The following MST1 variants were observed in gnomAD, a reference collection of about 807,000 sequenced individuals.
The protein encoded by MST1 is macrophage stimulating 1.
MST1 carries 76 observed loss-of-function variants against 100.1 expected under a neutral mutation model. The observed-to-expected ratio is 0.76, with a 90% confidence interval of 0.63 to 0.92. The LOEUF is 0.92. MST1 is among the 40% of genes least tolerant of loss of function. The pLI, the probability that MST1 is intolerant of heterozygous loss-of-function variation, is 0.00. For synonymous variants in MST1, 352 were observed against 385.4 expected, an observed-to-expected ratio of 0.91 and a Z score of 1.01; for missense variants, 850 against 990.0, an observed-to-expected ratio of 0.86 and a Z score of 1.90.
chr3:49,684,128 A>T lies in MST1; in HGVS notation c.2078T>A (p.Ile693Lys), dbSNP rs1057319. ...CCTTGCGCATACTCGGTTGGGGATT[A>T]TAATTCCTTCCAGGACCCAGCAGTT... The part of the protein sequence containing the change: ...THNCWVLEGI[I>K]IPNRVCARSR... The change falls in exon 18 of 18, where the codon ATA (isoleucine) becomes AAA (lysine). Residue 693 changes from isoleucine to lysine, a missense_variant. Physicochemically the swap from Ile to Lys is moderately radical, Grantham distance 102 (BLOSUM62 -3). This residue lies in a region of MST1 where 816 missense variants were observed against 924.6 expected (regional missense o/e 0.88). Coordinates refer to ENST00000449682, the MANE Select transcript of MST1 (RefSeq NM_020998.4). 11 of 1,613,302 alleles carry T rather than the reference A, an allele frequency of 6.8e-6. No individual in the cohort carries two copies. The highest frequency in any genetic ancestry group is 5.0e-5 in the Admixed American group (3 of 59,964).
rs3887843 is a variant in MST1, at chr3:49,686,174, G to T, written c.1035C>A (p.Phe345Leu). 7 of 1,611,346 alleles carry T rather than the reference G, an allele frequency of 4.3e-6. No individual in the cohort carries two copies. The East Asian group carries it at 1.6e-4, about 36-fold the overall frequency. Residue 345 changes from phenylalanine (F) to leucine (L), a missense_variant, in exon 9 of 18, where the codon TTC becomes TTA. Coordinates refer to ENST00000449682, the MANE Select transcript of MST1 (RefSeq NM_020998.4). Reference sequence around the variant, plus strand: ...CCTCTGAGCCGTCGGGGTTCCGGCAGAAGTTCTCCCGAAGGTCTCTAAGCA... The same window carrying T: ...CCTCTGAGCCGTCGGGGTTCCGGCATAAGTTCTCCCGAAGGTCTCTAAGCA... ...KYACKDLRENFCRNPDGSEAP... is the reference protein window; with the variant it reads ...KYACKDLRENLCRNPDGSEAP...
rs769098888 is a variant in MST1 at position 49,687,743 on chromosome 3, C to A, written c.242+7G>T. On this transcript the variant is annotated splice_region_variant and intron_variant, in intron 2 of 17. Coordinates refer to ENST00000449682, the MANE Select transcript of MST1 (RefSeq NM_020998.4). ...CCCAGTCTTATCTAGGCCCAGTGGC[C>A]ACTCACCGGCAGTCCATTAAGGGCC... The A allele has an allele frequency of 3.8e-5, 61 of 1,613,430 alleles. No individual in the cohort carries two copies. Among genetic ancestry groups the A allele is most frequent in the Non-Finnish European group, 5.0e-5 (59 of 1,179,872 alleles).
intron 5 of MST1, 30 bp downstream of exon 5, chr3:49,687,119 A>T (rs202053025): frequency 1.2e-6 from 2 of 1,612,294 alleles, no homozygotes; most frequent in Non-Finnish European, 1.7e-6. Flanking sequence ...TTGTCCCTCC[A>T]CTCTCCCAGC....
At chr3:49,684,261 C>T in intron 17 of MST1, 53 bp downstream of exon 17, 3 of 1,609,682 alleles carry the variant, frequency 1.9e-6, no homozygotes, top group Non-Finnish European at 2.5e-6. Context: ...TAAAATAGTT[C>T]ATTTCTAGCC....
Position 49,687,887 on chromosome 3 carries a change from C to T in MST1, c.105G>A (p.Ser35=), listed in dbSNP as rs139665652. ...TQCLGVPGQR[S]PLNDFQVLRG... is the part of the protein sequence containing the mutation. Reference sequence around the variant, plus strand: ...GGAGCACTTGGAAGTCATTCAATGGCGAGCGCTGCCCTGCAGAGTAGGCAT... The same window carrying T: ...GGAGCACTTGGAAGTCATTCAATGGTGAGCGCTGCCCTGCAGAGTAGGCAT... Residue 35 remains serine, a synonymous_variant, in exon 2 of 18, where the codon TCG becomes TCA. Coordinates refer to ENST00000449682, the MANE Select transcript of MST1 (RefSeq NM_020998.4). The T allele has an allele frequency of 6.8e-6, 11 of 1,613,166 alleles. No individual in the cohort carries two copies. The highest frequency in any genetic ancestry group is 4.5e-5 in the East Asian group (2 of 44,894).
In MST1 at chr3:49,685,215, A is replaced by G. The variant is rs1180528420; in HGVS notation, c.1544+47T>C. The G allele has an allele frequency of 3.7e-6, 6 of 1,610,408 alleles. No homozygotes were observed. The Admixed American group carries it at 1.0e-4, about 27-fold the overall frequency. On this transcript the variant is annotated intron_variant, in intron 13 of 17. Transcript: ENST00000449682. ...GCCCCCAGTGGGATAACCACAGAGG[A>G]CACAACCTCAGCTCCTCTCTGTGGG...
In MST1 at chr3:49,684,591, G is replaced by A. The variant is rs372578885; in HGVS notation, c.1835C>T (p.Pro612Leu). ...GCCTGCAATCTCACACTTGGTCCCT[G>A]GAGGCACCACATACCATTCAGGGGG... is the stretch of plus-strand genomic sequence containing the variant. ...CLPPEWYVVP[P>L]GTKCEIAGWG... The change falls in exon 16 of 18, where the codon CCA (proline) becomes CTA (leucine). Residue 612 changes from proline to leucine, a missense_variant. Coordinates refer to ENST00000449682, the MANE Select transcript of MST1 (RefSeq NM_020998.4). 7.4e-6 allele frequency: 12 copies of A among 1,613,682 alleles called. No homozygotes were observed. In the African/African-American group the frequency reaches 8.0e-5, roughly 11 times the overall value.
chr3:49,687,815 A>C lies in MST1; in HGVS notation c.177T>G (p.Pro59=). ...QHLLHAVVPG[P]WQEDVADAEE... ...CAGCATCTGCCACATCCTCCTGCCA[A>C]GGCCCGGGCACCACCGCATGTAGCA... The change falls in exon 2 of 18, where the codon CCT becomes CCG. Residue 59 remains proline (P), a synonymous_variant. Transcript: ENST00000449682. 3 of 1,613,570 alleles carry C rather than the reference A, an allele frequency of 1.9e-6. No homozygotes were observed. Among genetic ancestry groups the C allele is most frequent in the South Asian group, 2.2e-5 (2 of 91,070 alleles).
Position 49,686,933 on chromosome 3 carries a change from C to T in MST1, c.728+14G>A. The T allele has an allele frequency of 1.2e-6, 2 of 1,611,596 alleles. No homozygotes were observed. Among genetic ancestry groups the T allele is most frequent in the Non-Finnish European group, 1.7e-6 (2 of 1,179,674 alleles). On this transcript the variant is annotated intron_variant, in intron 6 of 17. Transcript: ENST00000449682. The stretch of plus-strand genomic sequence containing the variant: ...TAGCCCGGCCCCCAGGACGCCGATA[C>T]CGCCTACGCGTACTTGCCCGGCTCG...
chr3:49,684,398 C>G lies in MST1; in HGVS notation c.1932G>C (p.Gln644His), dbSNP rs1281388407. The G allele has an allele frequency of 6.2e-7, 1 of 1,613,408 alleles. No individual in the cohort carries two copies. Among genetic ancestry groups the G allele is most frequent in the South Asian group, 1.1e-5 (1 of 91,082 alleles). ...GTCCTCGGTGCTTGATGTTACACTC[C>G]TGGTTGGAGATGACATTCAGCAAGG... ...NVALLNVISNQECNIKHRGRV... is the reference protein window; with the variant it reads ...NVALLNVISNHECNIKHRGRV... The change falls in exon 17 of 18, where the codon CAG (glutamine) becomes CAC (histidine). Residue 644 changes from glutamine to histidine, a missense_variant. Gln to His is a conservative substitution (Grantham distance 24). This residue lies in a region of MST1 where 816 missense variants were observed against 924.6 expected (regional missense o/e 0.88). Coordinates refer to ENST00000449682, the MANE Select transcript of MST1 (RefSeq NM_020998.4).
At chr3:49,686,289 G>GCCCCCCTCCCCCCCCCCCC in intron 8 of MST1, 24 bp downstream of exon 8, 1 of 1,235,666 alleles carries the variant, frequency 8.1e-7, no homozygotes. Flanking sequence ...ACGTCCCAAC[G>GCCCCCCTCCCCCCCCCCCC]CCCGCCCCCC....
Position 49,684,546 on chromosome 3 carries a change from T to C in MST1, c.1876+4A>G. 1 of 1,613,716 alleles carries C rather than the reference T, an allele frequency of 6.2e-7. No homozygotes were observed. Among genetic ancestry groups the C allele is most frequent in the Non-Finnish European group, 8.5e-7 (1 of 1,179,852 alleles). Reference sequence around the variant, plus strand: ...ACCAGCAGTCCTGTGCACTGTGCTCTTACCTTTGGTCTCACCCCAGCCTGC... The same window carrying C: ...ACCAGCAGTCCTGTGCACTGTGCTCCTACCTTTGGTCTCACCCCAGCCTGC... On this transcript the variant is annotated splice_donor_region_variant and intron_variant, in intron 16 of 17. Transcript: ENST00000449682.
In MST1 at chr3:49,687,556, C is replaced by T. The variant is rs2053882966; in HGVS notation, c.355G>A (p.Asp119Asn). Reference sequence around the variant, plus strand: ...CCTGCCCCTCTCCACCCCCACTTGCCTTTCTTCTGGAAGAGGTCACAGCGC... The same window carrying T: ...CCTGCCCCTCTCCACCCCCACTTGCTTTTCTTCTGGAAGAGGTCACAGCGC... ...SGRCDLFQKK[D>N]YVRTCIMNNG... Residue 119 changes from aspartate (D) to asparagine (N), a missense_variant and splice_region_variant, in exon 3 of 18, where the codon GAC becomes AAC. Physicochemically the swap from Asp to Asn is conservative, Grantham distance 23. Transcript: ENST00000449682. 2.5e-6 allele frequency: 4 copies of T among 1,613,404 alleles called. No homozygotes were observed. Among genetic ancestry groups the T allele is most frequent in the South Asian group, 1.1e-5 (1 of 91,078 alleles).
Position 49,687,033 on chromosome 3 carries a change from G to A in MST1, c.642C>T (p.Arg214=). ...ACVWCNGEEY[R]GAVDRTESGR... Reference sequence around the variant, plus strand: ...CTGACTCCGTGCGGTCTACCGCGCCGCGGTATTCCTCGCCATTGCACCAGA... The same window carrying A: ...CTGACTCCGTGCGGTCTACCGCGCCACGGTATTCCTCGCCATTGCACCAGA... The change falls in exon 6 of 18, where the codon CGC becomes CGT. Residue 214 remains arginine (R), a synonymous_variant. Transcript: ENST00000449682. 1 of 1,611,750 alleles carries A rather than the reference G, an allele frequency of 6.2e-7. No individual in the cohort carries two copies. Among genetic ancestry groups the A allele is most frequent in the Non-Finnish European group, 8.5e-7 (1 of 1,179,858 alleles).
rs202238357 is a variant in MST1, at chr3:49,687,066, G to A, written c.609C>T (p.Ala203=). The change falls in exon 6 of 18, where the codon GCC becomes GCT. Residue 203 remains alanine, a splice_region_variant and synonymous_variant. Transcript: ENST00000449682. ...CCTCGCCATTGCACCAGACACACGC[G>A]GCTGGAGACAAAGAGCCAGTGGGTT... ...QSCGIKSCRE[A]ACVWCNGEEY... is the part of the protein sequence containing the mutation. 9.4e-5 allele frequency: 151 copies of A among 1,612,310 alleles called. No individual in the cohort carries two copies. The highest frequency in any genetic ancestry group is 1.7e-4 in the Middle Eastern group (1 of 5,744).
At position 49,685,952 on chromosome 3, in the gene MST1, G is replaced by A. The variant is rs776508275; in HGVS notation, c.1158C>T (p.His386=). ...TDDVRPQDCY[H]GAGEQYRGTV... The stretch of plus-strand genomic sequence containing the variant: ...TGCCGCGGTACTGCTCCCCTGCGCC[G>A]TGGTAGCAGTCTGTGGCGGGTGCGG... Residue 386 remains histidine, a synonymous_variant, in exon 10 of 18, where the codon CAC becomes CAT. Transcript: ENST00000449682. The A allele has an allele frequency of 1.2e-6, 2 of 1,609,714 alleles. No individual in the cohort carries two copies. Among genetic ancestry groups the A allele is most frequent in the Admixed American group, 1.7e-5 (1 of 59,918 alleles).
At chr3:49,688,434 T>A in intron 1 of MST1, 164 bp downstream of exon 1, 1 of 622,180 alleles carries the variant, frequency 1.6e-6, no homozygotes, top group East Asian at 2.8e-5. Context: ...AAGTGGGCAA[T>A]GTCTATGTGT....
rs9843510 is a variant in MST1, at chr3:49,686,387, C to T, written c.942G>A (p.Ala314=). 812 of 1,612,174 alleles carry T rather than the reference C, an allele frequency of 5.0e-4. 2 individuals carry two copies. In the African/African-American group the frequency reaches 9.2e-3, roughly 18 times the overall value. ...GYRGTANTTT[A]GVPCQRWDAQ... ...CGTCCCAACGCTGGCAAGGTACGCCCGCAGTGGTGGTATTGGCTGTGCCCC... is the reference window on the plus strand; with the variant it reads ...CGTCCCAACGCTGGCAAGGTACGCCTGCAGTGGTGGTATTGGCTGTGCCCC... Residue 314 remains alanine (A), a synonymous_variant, in exon 8 of 18, where the codon GCG becomes GCA. Coordinates refer to ENST00000449682, the MANE Select transcript of MST1 (RefSeq NM_020998.4).
At chr3:49,686,876 G>A (rs1422381323) in intron 6 of MST1, 71 bp downstream of exon 6, 2 of 1,611,900 alleles carry the variant, frequency 1.2e-6, no homozygotes, top group Admixed American at 1.7e-5. Context: ...TGCCCTACAC[G>A]GAGCCCTGCC....
Sources: allele counts gnomAD v4.1 joint callset, GRCh38; gene constraint gnomAD v4.1.1; regional missense constraint gnomAD v4.1.1; transcripts MANE v1.5; gene names NCBI Gene and HGNC (gene_info 2026-07-23, HGNC 2026-07-21).